SNCAIP: variants seen among roughly 807,000 people sequenced by gnomAD.
SNCAIP encodes synphilin-1.
In SNCAIP, 43 loss-of-function variants were observed where a neutral mutation model predicts 86.7. The observed-to-expected ratio is 0.50, with a 90% CI of 0.39 to 0.64. The LOEUF (loss-of-function observed/expected upper bound fraction) is 0.64. Ranked by LOEUF, SNCAIP falls within the 30% of genes least tolerant of loss-of-function variation. The probability of loss-of-function intolerance (pLI) is 0.00; values close to 1 mark genes in which losing one functional copy is unlikely to be tolerated. For synonymous variants in SNCAIP, 417 were observed against 427.2 expected (o/e 0.98, Z 0.29); for missense variants, 981 against 1,103.1 (o/e 0.89, Z 1.57).
At chr5:122,410,880 A>G (rs1394521797) in intron 3 of SNCAIP, among the ~76,000 whole-genome samples, 1 of 152,230 alleles carries the variant, frequency 6.6e-6, no homozygotes, top group Non-Finnish European at 1.5e-5. Flanking sequence ...CAGAGCTTAA[A>G]CACATCGCAT....
intron 4 of SNCAIP, among the ~76,000 whole-genome samples, chr5:122,424,535 A>T (rs936303002): frequency 6.6e-6 from 1 of 152,246 alleles, no homozygotes; most frequent in African/African-American, 2.4e-5. Context: ...AGCCATGCAT[A>T]CTTAAGTACA....
chr5:122,404,231 T>C, intron 3 of SNCAIP, among the ~76,000 whole-genome samples: 1 of 152,204 alleles, frequency 6.6e-6, no homozygotes, highest in East Asian at 1.9e-4. Flanking sequence ...ATGCATTTAC[T>C]ACCCATATGG....
chr5:122,446,559 T>A (rs1419695014), intron 8 of SNCAIP, among the ~76,000 whole-genome samples: 1 of 152,190 alleles, frequency 6.6e-6, no homozygotes, highest in Non-Finnish European at 1.5e-5. Flanking sequence ...AGTCCTTCAG[T>A]TGTCTCCAGA....
At position 122,450,545 on chromosome 5, in the gene SNCAIP, A is replaced by G; in HGVS notation, c.1698A>G (p.Ser566=). 1.2e-6 allele frequency: 2 copies of G among 1,613,410 alleles called. No homozygotes were observed. The highest frequency in any genetic ancestry group is 1.7e-6 in the Non-Finnish European group (2 of 1,179,424). ...ATCTTCTTTTTAGTTCACCATCCTC[A>G]CCTGCCTCCAGAAAGTCCCAGTGGA... ...SLPSSPSSPS[S]PASRKSQWKS... The change falls in exon 10 of 11, where the codon TCA becomes TCG. Residue 566 remains serine (S), a synonymous_variant. Coordinates refer to ENST00000261368, the MANE Select transcript of SNCAIP (RefSeq NM_005460.4).
chr5:122,332,019 C>T lies in SNCAIP; in HGVS notation c.-47+19735C>T, dbSNP rs186842610. The stretch of plus-strand genomic sequence containing the variant: ...CAATCCTAAATAGGGAGTGCTGCCA[C>T]GTGAATGTGTTTTTTTGTAAACAGT... On this transcript the variant is annotated intron_variant, in intron 1 of 10. Transcript: ENST00000261368. Among the ~76,000 whole-genome samples, 105 of 152,238 alleles carry T rather than the reference C, an allele frequency of 6.9e-4. 1 individual carries two copies. Among genetic ancestry groups the T allele is most frequent in the Middle Eastern group, 3.4e-3 (1 of 292 alleles).
At chr5:122,324,674 G>A (rs1429428621) in intron 1 of SNCAIP, among the ~76,000 whole-genome samples, 1 of 152,166 alleles carries the variant, frequency 6.6e-6, no homozygotes, top group African/African-American at 2.4e-5. Flanking sequence ...CTGAGGCAAG[G>A]TGCTGTCAAA....
intron 1 of SNCAIP, among the ~76,000 whole-genome samples, chr5:122,376,151 A>G (rs1765265044): frequency 6.6e-6 from 1 of 152,118 alleles, no homozygotes; most frequent in Non-Finnish European, 1.5e-5. Flanking sequence ...AAAGTTTGAG[A>G]ATAACTCATC....
intron 7 of SNCAIP, among the ~76,000 whole-genome samples, chr5:122,442,317 A>C (rs1271011731): frequency 6.6e-6 from 1 of 152,080 alleles, no homozygotes; most frequent in African/African-American, 2.4e-5. Context: ...TATATGGGGA[A>C]ACTATAAATA....
At chr5:122,401,029 A>G in intron 2 of SNCAIP, 6 of 1,550,288 alleles carry the variant, frequency 3.9e-6, no homozygotes, top group Non-Finnish European at 5.2e-6. Context: ...CTTGGATTGG[A>G]GGACACAGAC....
chr5:122,420,157 G>T (rs1776084632), intron 3 of SNCAIP, among the ~76,000 whole-genome samples: 1 of 152,134 alleles, frequency 6.6e-6, no homozygotes, highest in South Asian at 2.1e-4. Flanking sequence ...AGAAGGAGAG[G>T]GACAACAAGC....
chr5:122,341,260 T>C (rs76068002), intron 1 of SNCAIP, among the ~76,000 whole-genome samples: 2,007 of 152,340 alleles, frequency 0.013, 43 homozygotes, highest in African/African-American at 0.046. Context: ...ATTCCCTGGC[T>C]TCAGCAAAGA....
At chr5:122,421,836 C>T (rs1036999354) in intron 3 of SNCAIP, among the ~76,000 whole-genome samples, 2 of 152,008 alleles carry the variant, frequency 1.3e-5, no homozygotes, top group Non-Finnish European at 2.9e-5. Context: ...GTTATTGCTC[C>T]ATCTGCTTGC....
chr5:122,385,262 C>T (rs1056199502), intron 1 of SNCAIP, among the ~76,000 whole-genome samples: 1 of 152,070 alleles, frequency 6.6e-6, no homozygotes, highest in African/African-American at 2.4e-5. Flanking sequence ...CCACCACATG[C>T]ATCCAGAATA....
chr5:122,319,200 T>C (rs1752440971), intron 1 of SNCAIP, among the ~76,000 whole-genome samples: 1 of 152,000 alleles, frequency 6.6e-6, no homozygotes, highest in African/African-American at 2.4e-5. Context: ...AATAAAACAT[T>C]ATAGCTGCCT....
intron 2 of SNCAIP, among the ~76,000 whole-genome samples, chr5:122,395,946 C>T (rs1050645289): frequency 2.6e-5 from 4 of 152,094 alleles, no homozygotes; most frequent in Non-Finnish European, 5.9e-5. Context: ...TTCATGTGGC[C>T]TCTGAGTGGT....
intron 1 of SNCAIP, among the ~76,000 whole-genome samples, chr5:122,330,004 CTTCT>C (rs1754926252): frequency 6.6e-6 from 1 of 151,916 alleles, no homozygotes; most frequent in South Asian, 2.1e-4. Flanking sequence ...ATGGAAATGC[CTTCT>C]TTGTTTTAAG....
chr5:122,355,351 G>A (rs2152752447), intron 1 of SNCAIP, among the ~76,000 whole-genome samples: 1 of 152,002 alleles, frequency 6.6e-6, no homozygotes, highest in South Asian at 2.1e-4. Context: ...CTAAAATATG[G>A]TAATATAAGA....
Position 122,451,087 on chromosome 5 carries a change from G to T in SNCAIP, c.2240G>T (p.Ser747Ile). Residue 747 changes from serine to isoleucine, a missense_variant, in exon 10 of 11, where the codon AGC becomes ATC. Ser to Ile is a moderately radical substitution (Grantham distance 142). Coordinates refer to ENST00000261368, the MANE Select transcript of SNCAIP (RefSeq NM_005460.4). ...IKASKSLDGH[S>I]PSPTSESSEP... ...GCCTCCAAATCCCTGGATGGCCACA[G>T]CCCATCTCCCACCTCAGAGAGCAGC... 1 of 1,614,122 alleles carries T rather than the reference G, an allele frequency of 6.2e-7. No individual in the cohort carries two copies. Among genetic ancestry groups the T allele is most frequent in the Non-Finnish European group, 8.5e-7 (1 of 1,180,012 alleles).
rs1776785586 is a variant in SNCAIP at position 122,423,428 on chromosome 5, C to T, written c.691C>T (p.Leu231=). 9 of 1,611,400 alleles carry T rather than the reference C, an allele frequency of 5.6e-6. No homozygotes were observed. Among genetic ancestry groups the T allele is most frequent in the Non-Finnish European group, 7.6e-6 (9 of 1,178,956 alleles). The change falls in exon 4 of 11, where the codon CTG becomes TTG. Residue 231 remains leucine (L), a synonymous_variant. Coordinates refer to ENST00000261368, the MANE Select transcript of SNCAIP (RefSeq NM_005460.4). The stretch of plus-strand genomic sequence containing the variant: ...AGCTGTCATCCACGACCAGCACAAG[C>T]TGTCCACTGAAGAAACCGAGATCTC... ...ASAVIHDQHK[L]STEETEISPP... is the part of the protein sequence containing the mutation.
Sources: allele counts gnomAD v4.1 joint callset (sites outside exome capture counted in the v4.1 genomes callset), GRCh38; gene constraint gnomAD v4.1.1; transcripts MANE v1.5; gene names NCBI Gene and HGNC (gene_info 2026-07-23, HGNC 2026-07-21).